Variants in CLMN observed in about 807,000 individuals in gnomAD.
The protein encoded by CLMN is calmin.
Under a neutral mutation model 92.7 loss-of-function variants are expected in CLMN, and 57 were observed. The observed-to-expected ratio is 0.61, with a 90% CI of 0.50 to 0.77. The LOEUF (loss-of-function observed/expected upper bound fraction) is 0.77, where lower values mean the gene tolerates loss of function less well. Ranked by LOEUF, CLMN falls within the 30% of genes least tolerant of loss-of-function variation. The probability of loss-of-function intolerance (pLI) is 0.00; values close to 1 mark genes in which losing one functional copy is unlikely to be tolerated. For missense variants in CLMN, 1,158 were observed against 1,237.5 expected (o/e 0.94, Z 0.96); for synonymous variants, 466 against 470.6 (o/e 0.99, Z 0.13).
At position 95,194,491 on chromosome 14, in the gene CLMN, G is replaced by C; in HGVS notation, c.2769+45C>G. 1 of 1,613,746 alleles carries C rather than the reference G, an allele frequency of 6.2e-7. No homozygotes were observed. Among genetic ancestry groups the C allele is most frequent in the Non-Finnish European group, 8.5e-7 (1 of 1,179,694 alleles). The stretch of plus-strand genomic sequence containing the variant: ...GGAGGAGGAAGGATGGAAAGGAATT[G>C]ATTAGCAGGGGCCGTGCGGAAAGAG... On this transcript the variant is annotated intron_variant, in intron 11 of 12. Coordinates refer to ENST00000298912, the MANE Select transcript of CLMN (RefSeq NM_024734.4). The surrounding 1 kb of genome is among the most constrained non-coding windows in gnomAD (Gnocchi z 4.0).
intron 2 of CLMN, among the ~76,000 whole-genome samples, chr14:95,227,723 G>A (rs909127375): frequency 1.3e-5 from 2 of 152,212 alleles, no homozygotes; most frequent in Non-Finnish European, 2.9e-5. Context: ...CAAACGCTCT[G>A]TGGGCTTCAT....
Position 95,183,177 on chromosome 14 carries a change from G to A in CLMN, c.*8387C>T, listed in dbSNP as rs941432773. The A allele has an allele frequency of 1.3e-5, 2 of 152,214 alleles. No individual in the cohort carries two copies. The highest frequency in any genetic ancestry group is 2.9e-5 in the Non-Finnish European group (2 of 68,040). The allele number at this position is 152,214 out of a possible 1,614,324, so 9.4% of individuals were successfully genotyped here. ...CAGGTGAGCCACAGCTAGGACGTGGGTTCTCCATACCCATACCAGTGTTGG... is the reference window on the plus strand; with the variant it reads ...CAGGTGAGCCACAGCTAGGACGTGGATTCTCCATACCCATACCAGTGTTGG... On this transcript the variant is annotated 3_prime_UTR_variant, in exon 13 of 13. Transcript: ENST00000298912.
chr14:95,293,301 C>T lies in CLMN; in HGVS notation c.82+26410G>A, dbSNP rs867829314. Among the ~76,000 whole-genome samples, 379 of 83,372 alleles carry T rather than the reference C, an allele frequency of 4.5e-3. 2 individuals carry two copies. The highest frequency in any genetic ancestry group is 6.6e-3 in the Non-Finnish European group (256 of 38,868). 54.7% of individuals were successfully genotyped at this position (83,372 alleles called of 152,430 possible). On this transcript the variant is annotated intron_variant, in intron 1 of 12. Coordinates refer to ENST00000298912, the MANE Select transcript of CLMN (RefSeq NM_024734.4). ...CTTTTCCTCCCTCCCTCCTTCCTTC[C>T]CTCCCTCCTTCCCTCCCTCCCTCCT...
intron 1 of CLMN, among the ~76,000 whole-genome samples, chr14:95,269,382 TA>T (rs1218590602): frequency 1.3e-5 from 2 of 152,252 alleles, no homozygotes; most frequent in African/African-American, 2.4e-5. Flanking sequence ...CATTTATTTT[TA>T]TATGATATTC....
At chr14:95,298,239 C>A (rs548914368) in intron 1 of CLMN, among the ~76,000 whole-genome samples, 1 of 151,990 alleles carries the variant, frequency 6.6e-6, no homozygotes, top group Admixed American at 6.6e-5. Context: ...AGATTTTATA[C>A]CCCAGTGAAT....
chr14:95,248,891 T>C (rs1898674799), intron 1 of CLMN, among the ~76,000 whole-genome samples: 1 of 152,206 alleles, frequency 6.6e-6, no homozygotes, highest in Admixed American at 6.5e-5. Flanking sequence ...TTATGTTTTA[T>C]TTACAAAAAA....
At chr14:95,233,325 C>A (rs72710127) in intron 1 of CLMN, among the ~76,000 whole-genome samples, 52,944 of 151,626 alleles carry the variant, frequency 0.35, 9,652 homozygotes, top group African/African-American at 0.4. Flanking sequence ...TCCATCATCC[C>A]TCCATCCACC....
chr14:95,265,151 A>G (rs1426168227), intron 1 of CLMN, among the ~76,000 whole-genome samples: 1 of 151,786 alleles, frequency 6.6e-6, no homozygotes, highest in Non-Finnish European at 1.5e-5. Flanking sequence ...GGTGAGGCTG[A>G]GAGGGTCTCA....
intron 1 of CLMN, among the ~76,000 whole-genome samples, chr14:95,315,825 G>A (rs1245921015): frequency 6.6e-6 from 1 of 152,234 alleles, no homozygotes; most frequent in East Asian, 1.9e-4. Flanking sequence ...GCCCATGACA[G>A]TTTCACGCTC....
Position 95,243,619 on chromosome 14 carries a change from A to AT in CLMN, c.83-13487dup, listed in dbSNP as rs143830474. ...CATGGAGAAGAAAAATGATTCCTTG[A>AT]TTTTTTTTTCGGTAAAGTTTAAATA... On this transcript the variant is annotated intron_variant, in intron 1 of 12. Transcript: ENST00000298912. 2.8e-3 allele frequency among the ~76,000 whole-genome samples: 419 copies of AT among 150,740 alleles called. 2 individuals are homozygous for AT. Among genetic ancestry groups the AT allele is most frequent in the African/African-American group, 9.5e-3 (389 of 40,934 alleles).
At chr14:95,246,447 C>T (rs1898575705) in intron 1 of CLMN, among the ~76,000 whole-genome samples, 1 of 152,188 alleles carries the variant, frequency 6.6e-6, no homozygotes, top group Non-Finnish European at 1.5e-5. Context: ...GTGTGGCACC[C>T]CCCTCCTCTT....
intron 1 of CLMN, among the ~76,000 whole-genome samples, chr14:95,273,731 C>A (rs913586648): frequency 6.6e-6 from 1 of 152,198 alleles, no homozygotes; most frequent in East Asian, 1.9e-4. Flanking sequence ...GTGTTTTTGA[C>A]ATATAGCTCT....
intron 1 of CLMN, among the ~76,000 whole-genome samples, chr14:95,241,105 C>A (rs1212863712): frequency 6.6e-6 from 1 of 152,042 alleles, no homozygotes; most frequent in Non-Finnish European, 1.5e-5. Flanking sequence ...AAACACACAA[C>A]CTCATACAAA....
chr14:95,277,521 T>A (rs1899979638), intron 1 of CLMN, among the ~76,000 whole-genome samples: 1 of 151,872 alleles, frequency 6.6e-6, no homozygotes, highest in East Asian at 1.9e-4. Flanking sequence ...GTTAAAAGGC[T>A]TTGCAAGCTC....
At chr14:95,224,712 C>T (rs919565695) in intron 2 of CLMN, among the ~76,000 whole-genome samples, 3 of 150,458 alleles carry the variant, frequency 2.0e-5, no homozygotes, top group Non-Finnish European at 3.0e-5. Flanking sequence ...CGCAAGTGTA[C>T]CCTAGATCCA....
chr14:95,203,095 T>G lies in CLMN; in HGVS notation c.2254A>C (p.Asn752His), dbSNP rs1346921193. 1 of 1,613,906 alleles carries G rather than the reference T, an allele frequency of 6.2e-7. No individual in the cohort carries two copies. The highest frequency in any genetic ancestry group is 8.5e-7 in the Non-Finnish European group (1 of 1,180,030). Residue 752 changes from asparagine (N) to histidine (H), a missense_variant, in exon 9 of 13, where the codon AAT (asparagine) becomes CAT (histidine). Transcript: ENST00000298912. ...AYVEDPEDLK[N>H]EEMDLEEPEG... ...GGCTCTTCGAGATCCATTTCTTCAT[T>G]TTTTAGATCCTCCGGGTCTTCTACA...
intron 1 of CLMN, among the ~76,000 whole-genome samples, chr14:95,245,216 A>AT (rs1898459598): frequency 1.4e-4 from 5 of 35,928 alleles, no homozygotes; most frequent in African/African-American, 9.0e-4. Context: ...TATTATATAT[A>AT]TATATATATT....
At chr14:95,207,835 T>G (rs753844199) in intron 8 of CLMN, among the ~76,000 whole-genome samples, 2 of 152,106 alleles carry the variant, frequency 1.3e-5, no homozygotes, top group Non-Finnish European at 2.9e-5. Context: ...GCATGGAGGA[T>G]CCTGGGAAGT....
chr14:95,223,067 G>T (rs1323071151), intron 3 of CLMN, among the ~76,000 whole-genome samples: 3 of 152,186 alleles, frequency 2.0e-5, no homozygotes, highest in East Asian at 3.8e-4. Flanking sequence ...GGATCAGTTT[G>T]CCCCCTCATG....
Sources: allele counts gnomAD v4.1 joint callset (sites outside exome capture counted in the v4.1 genomes callset), GRCh38; gene constraint gnomAD v4.1.1; non-coding constraint Gnocchi (gnomAD v3.1); transcripts MANE v1.5; gene names NCBI Gene and HGNC (gene_info 2026-07-23, HGNC 2026-07-21).